EDA: variants seen among roughly 807,000 people sequenced by gnomAD.
The protein encoded by EDA is ectodysplasin-A.
In EDA, 2 loss-of-function variants were observed where a neutral mutation model predicts 23.6. The ratio of observed to expected loss-of-function variants is 0.08; its 90% CI spans 0.03 to 0.27. The LOEUF is 0.27. Among genes scored for constraint, EDA ranks in the 10% least tolerant of loss-of-function variants. The pLI is 1.00. For missense variants in EDA, 229 were observed against 324.2 expected, an observed-to-expected ratio of 0.71 and a Z score of 2.26; for synonymous variants, 131 against 132.0, an observed-to-expected ratio of 0.99 and a Z score of 0.05.
At chrX:69,957,685 A>T (rs745359258) in intron 2 of EDA, among the ~76,000 whole-genome samples, 1 of 110,598 alleles carries the variant, frequency 9.0e-6, no homozygotes, top group Non-Finnish European at 1.9e-5. Flanking sequence ...TCTGAGAGCC[A>T]TGATAGCATT....
chrX:69,987,403 C>A (rs1486113264), intron 2 of EDA, among the ~76,000 whole-genome samples: 2 of 108,670 alleles, frequency 1.8e-5, no homozygotes, highest in Admixed American at 9.8e-5. Context: ...CTCCCTCTTA[C>A]AACTAAAATA....
intron 1 of EDA, among the ~76,000 whole-genome samples, chrX:69,695,046 A>T (rs1569298938): frequency 8.9e-6 from 1 of 112,160 alleles, no homozygotes; most frequent in Admixed American, 9.4e-5. Context: ...TTGGCCTGGC[A>T]TGGTGGCTCA....
At chrX:69,846,021 T>A (rs2016998509) in intron 1 of EDA, among the ~76,000 whole-genome samples, 1 of 112,164 alleles carries the variant, frequency 8.9e-6, no homozygotes, top group African/African-American at 3.2e-5. Context: ...AATTTCTGAC[T>A]CCAGCAACTG....
At chrX:70,000,320 A>C (rs960071403) in intron 2 of EDA, among the ~76,000 whole-genome samples, 2 of 112,405 alleles carry the variant, frequency 1.8e-5, no homozygotes, top group Non-Finnish European at 3.8e-5. Flanking sequence ...ATAGCTAGAA[A>C]ACCCAAGAGA....
chrX:69,704,986 C>T (rs138097654), intron 1 of EDA, among the ~76,000 whole-genome samples: 136 of 110,133 alleles, frequency 1.2e-3, no homozygotes, highest in Middle Eastern at 4.8e-3. Flanking sequence ...TTTGGGAGGC[C>T]GAGGTGGGCC....
chrX:69,948,521 C>T (rs1393061353), intron 1 of EDA, among the ~76,000 whole-genome samples: 1 of 111,988 alleles, frequency 8.9e-6, no homozygotes, highest in Non-Finnish European at 1.9e-5. Flanking sequence ...ACCCCCACCC[C>T]ACTGGTGACA....
chrX:70,025,275 T>C (rs2020092913), intron 3 of EDA, among the ~76,000 whole-genome samples: 1 of 111,822 alleles, frequency 8.9e-6, no homozygotes, highest in African/African-American at 3.3e-5. Context: ...ACTCACATTC[T>C]TGAAGGTGAA....
chrX:69,893,317 C>T (rs2017961207), intron 1 of EDA, among the ~76,000 whole-genome samples: 1 of 111,609 alleles, frequency 9.0e-6, no homozygotes, highest in African/African-American at 3.3e-5. Flanking sequence ...AGATCATTAA[C>T]TAATTTTATC....
intron 1 of EDA, among the ~76,000 whole-genome samples, chrX:69,710,479 G>A (rs1028385955): frequency 9.0e-6 from 1 of 111,283 alleles, no homozygotes; most frequent in Non-Finnish European, 1.9e-5. Flanking sequence ...GGCAATGCGG[G>A]CTCTTTTTTG....
chrX:69,658,141 C>T (rs1383313016), intron 1 of EDA, among the ~76,000 whole-genome samples: 1 of 108,145 alleles, frequency 9.2e-6, no homozygotes, highest in African/African-American at 3.4e-5. Flanking sequence ...TCTCTGAATT[C>T]CTTTAGTAGT....
chrX:69,702,751 C>CA (rs906521026), intron 1 of EDA, among the ~76,000 whole-genome samples: 5 of 110,688 alleles, frequency 4.5e-5, no homozygotes, highest in Admixed American at 1.9e-4. Flanking sequence ...GATCTGAGTG[C>CA]AAAAAAGCCT....
At chrX:70,004,262 C>A (rs751832541) in intron 2 of EDA, among the ~76,000 whole-genome samples, 97 of 111,899 alleles carry the variant, frequency 8.7e-4, no homozygotes, top group Non-Finnish European at 1.6e-3. Context: ...GAGCCTGAAG[C>A]CCCAGAGATG....
chrX:69,679,043 T>C (rs1934225257), intron 1 of EDA, among the ~76,000 whole-genome samples: 1 of 96,988 alleles, frequency 1.0e-5, no homozygotes, highest in South Asian at 5.4e-4. Context: ...GGTTGTTGAA[T>C]TTTGTCAAAG....
At chrX:69,789,769 G>T (rs1418669399) in intron 1 of EDA, among the ~76,000 whole-genome samples, 1 of 111,812 alleles carries the variant, frequency 8.9e-6, no homozygotes, top group African/African-American at 3.3e-5. Flanking sequence ...TTAGGATGCA[G>T]TTATACAGTC....
chrX:70,038,058 C>T lies in EDA; in HGVS notation c.*2449C>T, dbSNP rs1275960444. 9.0e-6 allele frequency: 1 copy of T among 111,499 alleles called. No homozygotes were observed. The highest frequency in any genetic ancestry group is 3.3e-5 in the African/African-American group (1 of 30,582). 9.2% of individuals were successfully genotyped at this position (111,499 alleles called of 1,213,427 possible). On this transcript the variant is annotated 3_prime_UTR_variant, in exon 8 of 8. Coordinates refer to ENST00000374552, the MANE Select transcript of EDA (RefSeq NM_001399.5). ...ACTAGTGTGACTCCTTATCTCTTTC[C>T]ACCATACCTTAGAGACTTTGATACT...
intron 1 of EDA, among the ~76,000 whole-genome samples, chrX:69,679,978 A>C (rs1360816540): frequency 9.3e-6 from 1 of 107,337 alleles, no homozygotes; most frequent in Admixed American, 1.0e-4. Flanking sequence ...ATTTCCCTCT[A>C]CACACTGCTT....
intron 1 of EDA, among the ~76,000 whole-genome samples, chrX:69,739,706 A>C (rs1378525645): frequency 9.0e-6 from 1 of 111,025 alleles, no homozygotes; most frequent in East Asian, 2.8e-4. Context: ...ATTTATCATG[A>C]TCTAGTTCAT....
intron 1 of EDA, among the ~76,000 whole-genome samples, chrX:69,820,694 C>T (rs982335578): frequency 1.8e-4 from 20 of 112,078 alleles, no homozygotes; most frequent in African/African-American, 5.8e-4. Flanking sequence ...GAGATATCAT[C>T]TCATGCCAGT....
intron 1 of EDA, among the ~76,000 whole-genome samples, chrX:69,710,838 A>G (rs1235259676): frequency 9.0e-6 from 1 of 111,608 alleles, no homozygotes; most frequent in Non-Finnish European, 1.9e-5. Flanking sequence ...TTGCACATTG[A>G]TTTTGTATCC....
Sources: allele counts gnomAD v4.1 joint callset (sites outside exome capture counted in the v4.1 genomes callset), GRCh38; gene constraint gnomAD v4.1.1; transcripts MANE v1.5; gene names NCBI Gene and HGNC (gene_info 2026-07-23, HGNC 2026-07-21).